PTPRN2: variants seen among roughly 807,000 people sequenced by gnomAD.
PTPRN2 encodes the protein receptor-type tyrosine-protein phosphatase N2.
PTPRN2 carries 74 observed loss-of-function variants against 118.8 expected under a neutral mutation model. The observed-to-expected ratio is 0.62, with a 90% CI of 0.52 to 0.76. PTPRN2 has a LOEUF of 0.76. Ranked by LOEUF, PTPRN2 falls within the 30% of genes least tolerant of loss-of-function variation. The pLI is 0.00. For missense variants in PTPRN2, 1,481 were observed against 1,394.4 expected, an observed-to-expected ratio of 1.06 and a Z score of -0.99; for synonymous variants, 641 against 608.0, an observed-to-expected ratio of 1.05 and a Z score of -0.80.
At chr7:157,862,413 C>A (rs571336461) in intron 12 of PTPRN2, 4 of 152,376 alleles carry the variant, frequency 2.6e-5, no homozygotes, top group Admixed American at 1.3e-4. Flanking sequence ...TTATTTCACA[C>A]GTGTGCTAAT....
chr7:158,549,349 C>T (rs1283762462), intron 1 of PTPRN2, among the ~76,000 whole-genome samples: 1 of 152,232 alleles, frequency 6.6e-6, no homozygotes, highest in Non-Finnish European at 1.5e-5. Flanking sequence ...TGCCCTGCCT[C>T]CTCTGGCGAG....
At chr7:158,328,862 C>T (rs1456916639) in intron 2 of PTPRN2, among the ~76,000 whole-genome samples, 1 of 149,748 alleles carries the variant, frequency 6.7e-6, no homozygotes, top group Non-Finnish European at 1.5e-5. Context: ...CCCAGCTTCC[C>T]TGAGCGACAA....
intron 4 of PTPRN2, among the ~76,000 whole-genome samples, chr7:158,202,972 G>C (rs993108078): frequency 2.0e-5 from 3 of 152,076 alleles, no homozygotes; most frequent in Non-Finnish European, 4.4e-5. Flanking sequence ...GGTGGCTCAT[G>C]CCTGTAATCC....
intron 3 of PTPRN2, among the ~76,000 whole-genome samples, chr7:158,225,914 G>T (rs1329093039): frequency 9.3e-6 from 1 of 107,228 alleles, no homozygotes; most frequent in Admixed American, 8.8e-5. Context: ...CAGGAACAGA[G>T]GGAGGGGAGT....
intron 3 of PTPRN2, among the ~76,000 whole-genome samples, chr7:158,262,294 CGCACACACATTCACACACT>C (rs1451756414): frequency 6.6e-5 from 10 of 150,764 alleles, no homozygotes; most frequent in African/African-American, 2.2e-4. Context: ...TCACACACAC[CGCACACACATTCACACACT>C]GCACACACAT....
chr7:157,975,709 G>A (rs1802695211), intron 11 of PTPRN2, among the ~76,000 whole-genome samples: 1 of 152,046 alleles, frequency 6.6e-6, no homozygotes, highest in Non-Finnish European at 1.5e-5. Flanking sequence ...TGGTATTCAT[G>A]TTCAAAGGAG....
intron 11 of PTPRN2, among the ~76,000 whole-genome samples, chr7:158,026,278 C>G (rs1459819685): frequency 6.6e-6 from 1 of 152,088 alleles, no homozygotes; most frequent in Non-Finnish European, 1.5e-5. Context: ...GGTAAAATAC[C>G]AGGGATGATG....
intron 11 of PTPRN2, among the ~76,000 whole-genome samples, chr7:158,070,769 TCATGGTGGAGGTGCC>T (rs1811275745): frequency 2.5e-4 from 23 of 92,218 alleles, no homozygotes; most frequent in African/African-American, 3.7e-4. Flanking sequence ...GTGGAGGTGC[TCATGGTGGAGGTGCC>T]CGTGGTGGTG....
In PTPRN2 at chr7:158,140,058, T is replaced by C. The variant is rs534786057; in HGVS notation, c.911-1543A>G. Among the ~76,000 whole-genome samples, 3 of 152,278 alleles carry C rather than the reference T, an allele frequency of 2.0e-5. No homozygotes were observed. The South Asian group carries it at 6.2e-4, about 32-fold the overall frequency. On this transcript the variant is annotated intron_variant, in intron 6 of 22. Coordinates refer to ENST00000389418, the MANE Select transcript of PTPRN2 (RefSeq NM_002847.5). ...CAAAAAGCTCCTGAAAGGGTAAATA[T>C]GTGGTTACATAAACAAGAAAGACCG...
At chr7:157,985,979 A>G (rs1324205609) in intron 11 of PTPRN2, among the ~76,000 whole-genome samples, 1 of 152,208 alleles carries the variant, frequency 6.6e-6, no homozygotes, top group Non-Finnish European at 1.5e-5. Flanking sequence ...CCAAGATGCC[A>G]CCGCATGTGA....
chr7:158,332,666 A>G (rs55819651), intron 2 of PTPRN2, among the ~76,000 whole-genome samples: 135,943 of 141,614 alleles, frequency 0.96, 65,281 homozygotes, highest in African/African-American at 0.98. Flanking sequence ...GCCTGCAGAC[A>G]TCACTCACAC....
chr7:158,526,764 G>A lies in PTPRN2; in HGVS notation c.113-36979C>T, dbSNP rs1824811650. ...CAGATGGACAACCCTGTGGGGCACA[G>A]GGAGGAGACGGCATCTGCCAGCCAA... On this transcript the variant is annotated intron_variant, in intron 1 of 22. Coordinates refer to ENST00000389418, the MANE Select transcript of PTPRN2 (RefSeq NM_002847.5). The surrounding 1 kb of genome is among the most constrained non-coding windows in gnomAD (Gnocchi z 5.2). Among the ~76,000 whole-genome samples the A allele has an allele frequency of 1.3e-5, 2 of 152,156 alleles. No homozygotes were observed.
chr7:157,882,749 C>CA (rs1288584268), intron 12 of PTPRN2, among the ~76,000 whole-genome samples: 3 of 148,428 alleles, frequency 2.0e-5, no homozygotes, highest in South Asian at 2.2e-4. Context: ...CACACCACCC[C>CA]AAAATGACTG....
chr7:157,848,682 C>T (rs961369572), intron 12 of PTPRN2, among the ~76,000 whole-genome samples: 1 of 152,222 alleles, frequency 6.6e-6, no homozygotes, highest in East Asian at 1.9e-4. Context: ...ACGGCTTCCG[C>T]GGGATCCCAT....
chr7:158,469,470 A>G (rs1232468503), intron 2 of PTPRN2, among the ~76,000 whole-genome samples: 1 of 152,212 alleles, frequency 6.6e-6, no homozygotes, highest in Non-Finnish European at 1.5e-5. Flanking sequence ...CAACAACACT[A>G]GTCCACAATG....
intron 12 of PTPRN2, among the ~76,000 whole-genome samples, chr7:157,792,492 C>T (rs1337074522): frequency 8.5e-5 from 13 of 152,252 alleles, no homozygotes; most frequent in Admixed American, 8.5e-4. Flanking sequence ...CTGCCTTCAG[C>T]TCGAGGGTGT....
intron 11 of PTPRN2, among the ~76,000 whole-genome samples, chr7:158,070,000 C>T (rs1045722582): frequency 6.6e-6 from 1 of 152,220 alleles, no homozygotes; most frequent in Non-Finnish European, 1.5e-5. Context: ...TGGGAGGGTG[C>T]TGTGAACTCA....
At chr7:158,406,635 G>A (rs1018857799) in intron 2 of PTPRN2, among the ~76,000 whole-genome samples, 3 of 152,240 alleles carry the variant, frequency 2.0e-5, no homozygotes, top group Non-Finnish European at 4.4e-5. Context: ...TCCTGCTGCA[G>A]CCACTCGCTG....
At chr7:158,231,766 A>C (rs1341364771) in intron 3 of PTPRN2, among the ~76,000 whole-genome samples, 2 of 152,212 alleles carry the variant, frequency 1.3e-5, no homozygotes, top group South Asian at 4.1e-4. Context: ...AAATCATATC[A>C]AGTATCTTTT....
Sources: gnomAD v4.1 joint callset for allele counts (sites outside exome capture counted in the v4.1 genomes callset) on GRCh38, gnomAD v4.1.1 for gene constraint, Gnocchi (gnomAD v3.1) non-coding constraint, MANE v1.5 for transcripts, NCBI Gene and HGNC (gene_info 2026-07-23, HGNC 2026-07-21) for gene names.